The following LOC730098 variants were observed in gnomAD, a reference collection of about 807,000 sequenced individuals.
the LOC730098 span, chr9:34,665,124 G>T: frequency 3.0e-4 from 181 of 607,798 alleles, 1 homozygote; most frequent in African/African-American, 2.9e-3. Flanking sequence ...TAGGACCCAG[G>T]CCGCTGGACA....
chr9:34,664,610 AG>A, the LOC730098 span: 1 of 156,728 alleles, frequency 6.4e-6, no homozygotes, highest in South Asian at 2.0e-4. Flanking sequence ...TATGAACTGT[AG>A]GAAAGGTCGC....
At chr9:34,665,282 G>A in the LOC730098 span, 1 of 702,126 alleles carries the variant, frequency 1.4e-6, no homozygotes, top group Non-Finnish European at 2.6e-6. Context: ...GTCCATGCCC[G>A]GGGCGGGTCC....
chr9:34,665,655 G>C, the LOC730098 span: 1 of 700,294 alleles, frequency 1.4e-6, no homozygotes, highest in Non-Finnish European at 2.6e-6. Flanking sequence ...CCTCATTCCC[G>C]ACATGTCCTG....
chr9:34,665,736 T>C, the LOC730098 span: 1 of 698,070 alleles, frequency 1.4e-6, no homozygotes, highest in Non-Finnish European at 2.6e-6. Context: ...CCCTTCTCCG[T>C]CATTCTCAGG....
the LOC730098 span, chr9:34,665,451 C>T: frequency 2.9e-6 from 2 of 689,194 alleles, no homozygotes; most frequent in Non-Finnish European, 5.3e-6. Context: ...CCCCGCGGTG[C>T]CTCGCCGTCG....
chr9:34,665,355 G>T, the LOC730098 span: 2 of 478,296 alleles, frequency 4.2e-6, no homozygotes, highest in South Asian at 1.5e-5. Flanking sequence ...GGAAAAAGTA[G>T]AAACAGCCCC....
the LOC730098 span, chr9:34,665,795 G>T: frequency 1.6e-6 from 1 of 638,140 alleles, no homozygotes; most frequent in East Asian, 2.7e-5. Context: ...CCCCCGAGAA[G>T]CCTCAGTTGC....
At chr9:34,665,027 CT>C in the LOC730098 span, 1 of 590,318 alleles carries the variant, frequency 1.7e-6, no homozygotes, top group Non-Finnish European at 3.0e-6. Flanking sequence ...GTACGGTGGG[CT>C]TCGGTTTAAA....
chr9:34,664,801 G>C, the LOC730098 span: 1 of 400,672 alleles, frequency 2.5e-6, no homozygotes, highest in Non-Finnish European at 4.4e-6. Flanking sequence ...GGATTATTTA[G>C]TTCTCTTCAT....
the LOC730098 span, chr9:34,665,174 C>A: frequency 1.6e-6 from 1 of 638,542 alleles, no homozygotes; most frequent in Non-Finnish European, 2.8e-6. Context: ...AGCTTCTGCT[C>A]CCCGGGGTGC....
chr9:34,665,301 G>A, the LOC730098 span: 2 of 702,102 alleles, frequency 2.8e-6, no homozygotes, highest in East Asian at 2.7e-5. Flanking sequence ...CCGCGGTATC[G>A]CAGCCTCCTC....
the LOC730098 span, chr9:34,664,938 C>T: frequency 4.2e-6 from 2 of 477,540 alleles, no homozygotes; most frequent in South Asian, 4.1e-5. Context: ...GAGGGACGCC[C>T]TGTCAGTACG....
the LOC730098 span, chr9:34,665,658 A>G: frequency 1.4e-6 from 1 of 700,890 alleles, no homozygotes; most frequent in Non-Finnish European, 2.6e-6. Context: ...CATTCCCGAC[A>G]TGTCCTGGGC....
the LOC730098 span, chr9:34,665,314 C>T: frequency 1.4e-6 from 1 of 702,218 alleles, no homozygotes; most frequent in African/African-American, 1.7e-5. Context: ...GCCTCCTCAC[C>T]TCCGCTCCCT....
chr9:34,665,717 C>A, the LOC730098 span: 4 of 699,992 alleles, frequency 5.7e-6, no homozygotes, highest in African/African-American at 7.0e-5. Flanking sequence ...GATTCCCTAG[C>A]CCCAGGTCCC....
At chr9:34,665,381 G>A in the LOC730098 span, 2 of 688,934 alleles carry the variant, frequency 2.9e-6, no homozygotes, top group Non-Finnish European at 5.3e-6. Context: ...ATCCTGCAGA[G>A]AGAGGGCAGA....
At chr9:34,665,535 C>A in the LOC730098 span, 2 of 691,080 alleles carry the variant, frequency 2.9e-6, no homozygotes, top group South Asian at 1.5e-5. Context: ...CCTGCCCACC[C>A]CTCGCCCCCG....
the LOC730098 span, chr9:34,665,195 G>T: frequency 6.1e-6 from 4 of 652,650 alleles, no homozygotes; most frequent in Non-Finnish European, 1.1e-5. Flanking sequence ...GCCGAGCTGT[G>T]GGGCGACCCG....
At chr9:34,665,700 A>T in the LOC730098 span, 1 of 700,688 alleles carries the variant, frequency 1.4e-6, no homozygotes. Flanking sequence ...GGCATGATTG[A>T]ATCAGGGATT....
Sources: gnomAD v4.1 joint callset for allele counts on GRCh38, gnomAD v4.1.1 for gene constraint, MANE v1.5 for transcripts.